Variants in GATAD2B observed in about 807,000 individuals in gnomAD.
The protein encoded by GATAD2B is GATA zinc finger domain containing 2B, also known as transcriptional repressor p66-beta.
In GATAD2B, 8 loss-of-function variants were observed where a neutral mutation model predicts 64.3. That is an observed-to-expected ratio of 0.12 (90% CI 0.07 to 0.22). The LOEUF (loss-of-function observed/expected upper bound fraction) is 0.22. Ranked by LOEUF, GATAD2B falls within the 10% of genes least tolerant of loss-of-function variation. The pLI is 1.00. For synonymous variants in GATAD2B, 281 were observed against 271.3 expected (o/e 1.04, Z -0.35); for missense variants, 453 against 752.0 (o/e 0.60, Z 4.65).
At chr1:153,861,268 T>C (rs1269908936) in intron 1 of GATAD2B, among the ~76,000 whole-genome samples, 4 of 151,836 alleles carry the variant, frequency 2.6e-5, no homozygotes, top group South Asian at 2.1e-4. Context: ...AAAGTAAAAA[T>C]AGGCCCAGGT....
In GATAD2B at chr1:153,831,688, G is replaced by C. The variant is rs552408400; in HGVS notation, c.-1-3340C>G. Among the ~76,000 whole-genome samples, 15 of 152,200 alleles carry C rather than the reference G, an allele frequency of 9.9e-5. No individual in the cohort carries two copies. The South Asian group carries it at 3.1e-3, about 32-fold the overall frequency. On this transcript the variant is annotated intron_variant, in intron 1 of 10. Transcript: ENST00000368655. ...TACCTCTGAAAAATATCTTCAGATGGAGGGACTAGAAAGTGGAGTGCTATA... is the reference window on the plus strand; with the variant it reads ...TACCTCTGAAAAATATCTTCAGATGCAGGGACTAGAAAGTGGAGTGCTATA...
At position 153,830,474 on chromosome 1, in the gene GATAD2B, A is replaced by ATTTTAT. The variant is rs150473513; in HGVS notation, c.-1-2127_-1-2126insATAAAA. Among the ~76,000 whole-genome samples the ATTTTAT allele has an allele frequency of 9.5e-4, 111 of 117,046 alleles. 2 individuals carry two copies. Among genetic ancestry groups the ATTTTAT allele is most frequent in the Admixed American group, 1.9e-3 (22 of 11,610 alleles). 76.8% of individuals were successfully genotyped at this position (117,046 alleles called of 152,430 possible). ...TTTTATTTTTATTTTATTTTATTTT[A>ATTTTAT]TTTATTTATTTTTTTTTTTGAGACA... On this transcript the variant is annotated intron_variant, in intron 1 of 10. Coordinates refer to ENST00000368655, the MANE Select transcript of GATAD2B (RefSeq NM_020699.4).
At chr1:153,817,624 C>T in intron 5 of GATAD2B, 82 bp from the exon 6 acceptor site, 1 of 936,270 alleles carries the variant, frequency 1.1e-6, no homozygotes, top group Non-Finnish European at 1.5e-6. Flanking sequence ...AGGGAAAACA[C>T]TGCCTATAAT....
intron 1 of GATAD2B, among the ~76,000 whole-genome samples, chr1:153,902,716 A>C (rs1677817065): frequency 6.6e-6 from 1 of 152,082 alleles, no homozygotes; most frequent in African/African-American, 2.4e-5. Flanking sequence ...TCAGCCTCCC[A>C]AAGTGTTAGG....
intron 1 of GATAD2B, among the ~76,000 whole-genome samples, chr1:153,862,364 C>G (rs1676332186): frequency 1.3e-5 from 2 of 151,886 alleles, no homozygotes; most frequent in African/African-American, 4.8e-5. Context: ...CTCAGGTGAT[C>G]CGCCCGCCTC....
intron 1 of GATAD2B, among the ~76,000 whole-genome samples, chr1:153,859,294 G>A (rs184408643): frequency 6.0e-4 from 91 of 151,968 alleles, no homozygotes; most frequent in Middle Eastern, 3.4e-3. Context: ...TTGAGCCTGG[G>A]GGATCTAGTC....
chr1:153,824,459 T>A (rs1674799145), intron 2 of GATAD2B, among the ~76,000 whole-genome samples: 1 of 151,618 alleles, frequency 6.6e-6, no homozygotes. Context: ...AAACCCCATC[T>A]CTACTAAAAA....
intron 1 of GATAD2B, among the ~76,000 whole-genome samples, chr1:153,889,211 GAGACAAGCCTGACC>G: frequency 6.6e-6 from 1 of 151,776 alleles, no homozygotes; most frequent in South Asian, 2.1e-4. Context: ...TCGGGAGTTC[GAGACAAGCCTGACC>G]AACATGGAAA....
At chr1:153,872,915 G>A (rs563013058) in intron 1 of GATAD2B, among the ~76,000 whole-genome samples, 11 of 151,802 alleles carry the variant, frequency 7.2e-5, no homozygotes, top group Non-Finnish European at 1.6e-4. Context: ...GTACTAAAAG[G>A]TCAAGATTAA....
intron 1 of GATAD2B, among the ~76,000 whole-genome samples, chr1:153,920,461 C>A (rs1360465563): frequency 6.6e-6 from 1 of 152,248 alleles, no homozygotes; most frequent in African/African-American, 2.4e-5. Context: ...CTATGCTAAG[C>A]ACAGCAGTAA....
chr1:153,824,269 A>G (rs931915366), intron 2 of GATAD2B, among the ~76,000 whole-genome samples: 1 of 152,206 alleles, frequency 6.6e-6, no homozygotes, highest in African/African-American at 2.4e-5. Flanking sequence ...CAGCCTGGGC[A>G]ACACAGCAAC....
chr1:153,908,149 C>T (rs778812035), intron 1 of GATAD2B, among the ~76,000 whole-genome samples: 2 of 152,092 alleles, frequency 1.3e-5, no homozygotes, highest in Non-Finnish European at 2.9e-5. Context: ...CAAACACACA[C>T]TCACGCACGC....
chr1:153,893,310 A>T (rs959609027), intron 1 of GATAD2B, among the ~76,000 whole-genome samples: 15 of 152,186 alleles, frequency 9.9e-5, no homozygotes, highest in Admixed American at 5.9e-4. Flanking sequence ...GTTCACCTTA[A>T]AAAGTTTATC....
Position 153,873,306 on chromosome 1 carries a change from ATC to A in GATAD2B, c.-1-44960_-1-44959del, listed in dbSNP as rs543879560. Among the ~76,000 whole-genome samples the A allele has an allele frequency of 8.8e-3, 1,339 of 152,232 alleles. 14 individuals carry two copies. Among genetic ancestry groups the A allele is most frequent in the Non-Finnish European group, 0.013 (914 of 68,014 alleles). On this transcript the variant is annotated intron_variant, in intron 1 of 10. Coordinates refer to ENST00000368655, the MANE Select transcript of GATAD2B (RefSeq NM_020699.4). ...TTTAATGCAAACTACTTGACAGCAA[ATC>A]TCTCTTCTTTGTACTTCGCTTTAAT...
intron 1 of GATAD2B, among the ~76,000 whole-genome samples, chr1:153,882,560 C>T (rs1184121366): frequency 2.6e-5 from 4 of 152,198 alleles, no homozygotes. Context: ...CCCATGCATT[C>T]TTTAAAAACA....
chr1:153,827,998 T>G lies in GATAD2B; in HGVS notation c.335+15A>C. The G allele has an allele frequency of 6.3e-7, 1 of 1,599,324 alleles. No homozygotes were observed. Among genetic ancestry groups the G allele is most frequent in the Non-Finnish European group, 8.6e-7 (1 of 1,167,250 alleles). On this transcript the variant is annotated intron_variant, in intron 2 of 10. Coordinates refer to ENST00000368655, the MANE Select transcript of GATAD2B (RefSeq NM_020699.4). ...AGACGACCCTATCCCTGGAGGCAGCTGAACTGAGCCATACCTCCGTCTAGC... is the reference window on the plus strand; with the variant it reads ...AGACGACCCTATCCCTGGAGGCAGCGGAACTGAGCCATACCTCCGTCTAGC...
intron 1 of GATAD2B, among the ~76,000 whole-genome samples, chr1:153,896,439 T>C (rs918686841): frequency 4.7e-5 from 7 of 150,406 alleles, no homozygotes; most frequent in African/African-American, 1.2e-4. Context: ...TTTTCTTTTT[T>C]TTTTTTTTTT....
chr1:153,825,534 A>C (rs1570935649), intron 2 of GATAD2B, among the ~76,000 whole-genome samples: 1 of 151,880 alleles, frequency 6.6e-6, no homozygotes, highest in East Asian at 1.9e-4. Context: ...AGCAATTCTC[A>C]CGCTTCAGCC....
At chr1:153,855,418 AG>A (rs1318672877) in intron 1 of GATAD2B, among the ~76,000 whole-genome samples, 2 of 151,738 alleles carry the variant, frequency 1.3e-5, no homozygotes, top group Non-Finnish European at 1.5e-5. Context: ...TAGTAGAGAC[AG>A]GGTTTTCCTA....
Sources: allele counts gnomAD v4.1 joint callset (sites outside exome capture counted in the v4.1 genomes callset), GRCh38; gene constraint gnomAD v4.1.1; transcripts MANE v1.5; gene names NCBI Gene and HGNC (gene_info 2026-07-23, HGNC 2026-07-21).